Variants in TIAM1 observed in about 807,000 individuals in gnomAD.
The protein encoded by TIAM1 is TIAM Rac1 associated GEF 1.
Under a neutral mutation model 163.5 loss-of-function variants are expected in TIAM1, and 65 were observed. That is an observed-to-expected ratio of 0.40 (90% CI 0.33 to 0.49). The LOEUF is 0.49. Ranked by LOEUF, TIAM1 falls within the 20% of genes least tolerant of loss-of-function variation. The pLI is 0.77. For missense variants in TIAM1, 1,789 were observed against 2,044.7 expected, an observed-to-expected ratio of 0.87 and a Z score of 2.41; for synonymous variants, 833 against 810.1, an observed-to-expected ratio of 1.03 and a Z score of -0.48.
chr21:31,558,148 C>A (rs994768288), intron 1 of TIAM1, among the ~76,000 whole-genome samples: 1 of 147,706 alleles, frequency 6.8e-6, no homozygotes, highest in Non-Finnish European at 1.5e-5. Flanking sequence ...GCGGGCCCCA[C>A]GCGGGTCCCC....
At chr21:31,371,391 G>A (rs1308104714) in intron 2 of TIAM1, among the ~76,000 whole-genome samples, 1 of 152,166 alleles carries the variant, frequency 6.6e-6, no homozygotes, top group African/African-American at 2.4e-5. Context: ...CTCAAGCCAA[G>A]GGAGGTTGAG....
chr21:31,204,820 G>A (rs1310873611), intron 11 of TIAM1, among the ~76,000 whole-genome samples: 1 of 152,210 alleles, frequency 6.6e-6, no homozygotes, highest in African/African-American at 2.4e-5. Context: ...AGTTCACTCT[G>A]AACACATAGC....
At position 31,210,075 on chromosome 21, in the gene TIAM1, A is replaced by G; in HGVS notation, c.2358T>C (p.Thr786=). The G allele has an allele frequency of 6.2e-7, 1 of 1,614,122 alleles. No individual in the cohort carries two copies. Among genetic ancestry groups the G allele is most frequent in the South Asian group, 1.1e-5 (1 of 91,062 alleles). Residue 786 remains threonine, a synonymous_variant, in exon 11 of 28, where the codon ACT becomes ACC. Coordinates refer to ENST00000541036, the MANE Select transcript of TIAM1 (RefSeq NM_001353694.2). ...PALTVVRPGD[T]ARDTLELICK... The stretch of plus-strand genomic sequence containing the variant: ...AAATCAGCTCCAGGGTGTCCCGTGC[A>G]GTGTCGCCTGGCCGGACGACCGTCA...
chr21:31,164,048 GCTACTGA>G (rs2084070829), intron 16 of TIAM1, among the ~76,000 whole-genome samples: 1 of 152,032 alleles, frequency 6.6e-6, no homozygotes, highest in African/African-American at 2.4e-5. Flanking sequence ...GGTAAAAGAG[GCTACTGA>G]CCCATGGAAC....
intron 1 of TIAM1, among the ~76,000 whole-genome samples, chr21:31,552,824 C>T (rs2048739751): frequency 6.6e-6 from 1 of 152,044 alleles, no homozygotes; most frequent in African/African-American, 2.4e-5. Flanking sequence ...CCTACCACAC[C>T]ACATGTAGGG....
At chr21:31,504,679 G>A (rs1239468733) in intron 1 of TIAM1, among the ~76,000 whole-genome samples, 1 of 152,198 alleles carries the variant, frequency 6.6e-6, no homozygotes, top group Non-Finnish European at 1.5e-5. Flanking sequence ...GACTTCTGCA[G>A]TGGAGGGGGA....
chr21:31,155,830 CCTT>C (rs2083599525), intron 16 of TIAM1, among the ~76,000 whole-genome samples: 1 of 152,186 alleles, frequency 6.6e-6, no homozygotes, highest in South Asian at 2.1e-4. Flanking sequence ...TAGTGGCTGT[CCTT>C]CTCACGCTTC....
At chr21:31,434,730 G>C (rs2044153392) in intron 2 of TIAM1, among the ~76,000 whole-genome samples, 1 of 152,156 alleles carries the variant, frequency 6.6e-6, no homozygotes, top group African/African-American at 2.4e-5. Flanking sequence ...CGATAGCTCA[G>C]AGTGTGTGGA....
chr21:31,219,496 C>A (rs1332435643), intron 8 of TIAM1, among the ~76,000 whole-genome samples: 1 of 152,186 alleles, frequency 6.6e-6, no homozygotes, highest in Non-Finnish European at 1.5e-5. Context: ...CATGAGGGGC[C>A]TCCCCAGCAG....
intron 8 of TIAM1, among the ~76,000 whole-genome samples, chr21:31,221,762 T>C (rs2087572581): frequency 6.6e-6 from 1 of 152,224 alleles, no homozygotes; most frequent in South Asian, 2.1e-4. Context: ...AAATGCGTCC[T>C]CAATGGATGA....
At chr21:31,430,247 T>C (rs59337573) in intron 2 of TIAM1, among the ~76,000 whole-genome samples, 12,240 of 104,612 alleles carry the variant, frequency 0.12, 834 homozygotes, top group African/African-American at 0.21. Flanking sequence ...TATATATATA[T>C]ACACACACAC....
chr21:31,386,739 A>C (rs12482749), intron 2 of TIAM1, among the ~76,000 whole-genome samples: 7 of 151,990 alleles, frequency 4.6e-5, no homozygotes, highest in African/African-American at 1.7e-4. Flanking sequence ...TAGGGAGGGC[A>C]CGGGTGGAAG....
chr21:31,534,623 G>C (rs563476062), intron 1 of TIAM1, among the ~76,000 whole-genome samples: 31 of 152,186 alleles, frequency 2.0e-4, no homozygotes, highest in Middle Eastern at 3.4e-3. Flanking sequence ...GCAGTGAGTC[G>C]AGATCACGCC....
chr21:31,186,993 T>G lies in TIAM1; in HGVS notation c.2662+8A>C, dbSNP rs1311665692. 6.2e-7 allele frequency: 1 copy of G among 1,613,776 alleles called. No individual in the cohort carries two copies. Among genetic ancestry groups the G allele is most frequent in the African/African-American group, 1.3e-5 (1 of 74,912 alleles). On this transcript the variant is annotated splice_region_variant and intron_variant, in intron 14 of 27. Coordinates refer to ENST00000541036, the MANE Select transcript of TIAM1 (RefSeq NM_001353694.2). ...GACAGACAGACCAGCCCTCCTTCAC[T>G]GACTTACCTTTCTTGGAAGCTAAAC...
chr21:31,171,147 A>G (rs750053185), intron 15 of TIAM1, among the ~76,000 whole-genome samples: 43 of 152,254 alleles, frequency 2.8e-4, no homozygotes, highest in Non-Finnish European at 4.6e-4. Context: ...TATTTGATAA[A>G]TGATGCTAGG....
chr21:31,152,312 C>T (rs547210956), intron 19 of TIAM1, among the ~76,000 whole-genome samples: 49 of 152,242 alleles, frequency 3.2e-4, no homozygotes, highest in African/African-American at 1.1e-3. Flanking sequence ...GGATTACAGG[C>T]GTGAGCCACC....
chr21:31,136,076 G>A (rs2082610359), intron 22 of TIAM1, 35 bp from the exon 23 acceptor site: 17 of 1,555,008 alleles, frequency 1.1e-5, no homozygotes, highest in Non-Finnish European at 1.4e-5. Context: ...CTTACTGGGT[G>A]GTGTTATCAA....
chr21:31,289,293 C>A (rs540190288), intron 2 of TIAM1, among the ~76,000 whole-genome samples: 1 of 152,270 alleles, frequency 6.6e-6, no homozygotes, highest in East Asian at 1.9e-4. Flanking sequence ...CTATGGGACA[C>A]AAGTGACTTG....
intron 15 of TIAM1, among the ~76,000 whole-genome samples, chr21:31,177,806 C>G (rs2084834737): frequency 6.6e-6 from 1 of 152,218 alleles, no homozygotes; most frequent in African/African-American, 2.4e-5. Flanking sequence ...CTGGCCAAGT[C>G]TGACCACTTG....
Sources: allele counts gnomAD v4.1 joint callset (sites outside exome capture counted in the v4.1 genomes callset), GRCh38; gene constraint gnomAD v4.1.1; transcripts MANE v1.5; gene names NCBI Gene and HGNC (gene_info 2026-07-23, HGNC 2026-07-21).